Variants in MBOAT2 observed in about 807,000 individuals in gnomAD.
MBOAT2 encodes the protein membrane bound glycerophospholipid O-acyltransferase 2, also known as membrane-bound glycerophospholipid O-acyltransferase 2.
MBOAT2 carries 28 observed loss-of-function variants against 63.4 expected under a neutral mutation model. The observed-to-expected ratio is 0.44, with a 90% CI of 0.33 to 0.61. The LOEUF is 0.61. MBOAT2 is among the 20% of genes least tolerant of loss of function. MBOAT2 has a pLI of 0.03. For synonymous variants in MBOAT2, 211 were observed against 215.6 expected (o/e 0.98, Z 0.19); for missense variants, 470 against 605.8 (o/e 0.78, Z 2.35).
Position 8,853,375 on chromosome 2 carries a change from A to C in MBOAT2, c.*5304T>G, listed in dbSNP as rs3811602. ...TGTGCGCAGAACCAAAAATACATAA[A>C]ATTGGGAAAGAGGCATATTTAAAAA... is the stretch of plus-strand genomic sequence containing the variant. On this transcript the variant is annotated 3_prime_UTR_variant, in exon 13 of 13. Coordinates refer to ENST00000305997, the MANE Select transcript of MBOAT2 (RefSeq NM_138799.4). 25,790 of 152,166 alleles carry C rather than the reference A, an allele frequency of 0.17. 2,453 individuals carry two copies. Among genetic ancestry groups the C allele is most frequent in the Middle Eastern group, 0.28 (82 of 294 alleles). 9.4% of individuals were successfully genotyped at this position (152,166 alleles called of 1,614,324 possible).
chr2:8,958,376 G>A (rs1669376151), intron 2 of MBOAT2, 121 bp downstream of exon 2: 1 of 964,534 alleles, frequency 1.0e-6, no homozygotes, highest in South Asian at 3.1e-5. Context: ...AGTTGGCCTG[G>A]AGAAAAAACT....
At chr2:8,892,509 G>GTACT (rs1192856728) in intron 4 of MBOAT2, among the ~76,000 whole-genome samples, 2 of 152,180 alleles carry the variant, frequency 1.3e-5, no homozygotes, top group East Asian at 3.8e-4. Flanking sequence ...GATGCACCAA[G>GTACT]TACTGTTCTA....
At chr2:8,919,481 G>A (rs1262149747) in intron 3 of MBOAT2, among the ~76,000 whole-genome samples, 2 of 151,990 alleles carry the variant, frequency 1.3e-5, no homozygotes, top group Non-Finnish European at 2.9e-5. Context: ...TTTGCAATTC[G>A]CTAATGGCTA....
At chr2:8,864,525 G>A (rs1350437054) in intron 9 of MBOAT2, among the ~76,000 whole-genome samples, 1 of 152,176 alleles carries the variant, frequency 6.6e-6, no homozygotes, top group African/African-American at 2.4e-5. Context: ...TCCTGAGAAT[G>A]TGTACAAATG....
At chr2:8,991,219 G>C (rs985683147) in intron 1 of MBOAT2, among the ~76,000 whole-genome samples, 1 of 152,074 alleles carries the variant, frequency 6.6e-6, no homozygotes, top group Non-Finnish European at 1.5e-5. Context: ...ACGAAAAACT[G>C]ACAGGGACTT....
intron 4 of MBOAT2, among the ~76,000 whole-genome samples, chr2:8,892,465 G>GAA (rs1213066224): frequency 2.0e-5 from 3 of 148,138 alleles, no homozygotes; most frequent in African/African-American, 7.4e-5. Flanking sequence ...GCTTCATTCA[G>GAA]AAAAAAAAAA....
At chr2:8,983,856 GAATTT>G (rs1671368191) in intron 1 of MBOAT2, among the ~76,000 whole-genome samples, 1 of 152,022 alleles carries the variant, frequency 6.6e-6, no homozygotes, top group Non-Finnish European at 1.5e-5. Context: ...ACTTTTCTGT[GAATTT>G]AATATTGTTT....
chr2:8,896,238 C>CAAAAA (rs967667476), intron 4 of MBOAT2, among the ~76,000 whole-genome samples: 1 of 51,216 alleles, frequency 2.0e-5, no homozygotes, highest in African/African-American at 6.9e-5. Flanking sequence ...GACTCCGTCT[C>CAAAAA]AAAAAAAAAA....
intron 3 of MBOAT2, among the ~76,000 whole-genome samples, chr2:8,921,064 T>C (rs1292033778): frequency 2.6e-5 from 4 of 152,218 alleles, no homozygotes; most frequent in Non-Finnish European, 5.9e-5. Context: ...CTTCTGACTT[T>C]TCACTGGCAT....
At chr2:8,878,362 T>C (rs549118301) in intron 6 of MBOAT2, among the ~76,000 whole-genome samples, 1 of 152,286 alleles carries the variant, frequency 6.6e-6, no homozygotes, top group South Asian at 2.1e-4. Flanking sequence ...CTGTTAATGA[T>C]AAACCATCAC....
At chr2:8,886,781 C>T (rs1339158538) in intron 5 of MBOAT2, among the ~76,000 whole-genome samples, 1 of 152,164 alleles carries the variant, frequency 6.6e-6, no homozygotes, top group Non-Finnish European at 1.5e-5. Flanking sequence ...TATCCTTGAT[C>T]CACGACTTTC....
chr2:8,897,793 T>C (rs1288721269), intron 4 of MBOAT2, among the ~76,000 whole-genome samples: 2 of 152,196 alleles, frequency 1.3e-5, no homozygotes, highest in South Asian at 2.1e-4. Context: ...TCATGCTCGA[T>C]TGGTTCCCCA....
At chr2:8,881,802 TTAGTG>T (rs1224523641) in intron 6 of MBOAT2, among the ~76,000 whole-genome samples, 2 of 152,122 alleles carry the variant, frequency 1.3e-5, no homozygotes, top group Non-Finnish European at 2.9e-5. Context: ...AGATGAATAC[TTAGTG>T]TAGTTCTAAA....
At chr2:8,860,446 G>A (rs1349072468) in intron 12 of MBOAT2, among the ~76,000 whole-genome samples, 167 bp downstream of exon 12, 1 of 152,146 alleles carries the variant, frequency 6.6e-6, no homozygotes, top group Non-Finnish European at 1.5e-5. Flanking sequence ...TCATTCCACA[G>A]AGAAACGCTG....
chr2:8,936,825 A>G (rs997246661), intron 3 of MBOAT2, among the ~76,000 whole-genome samples: 1 of 145,162 alleles, frequency 6.9e-6, no homozygotes, highest in Non-Finnish European at 1.5e-5. Flanking sequence ...AAGAAAAGAA[A>G]AAAAAAGAAA....
In MBOAT2 at chr2:8,855,194, G is replaced by A. The variant is rs552944315; in HGVS notation, c.*3485C>T. The A allele has an allele frequency of 2.0e-5, 3 of 152,310 alleles. No individual in the cohort carries two copies. The highest frequency in any genetic ancestry group is 7.2e-5 in the African/African-American group (3 of 41,558). 9.4% of individuals were successfully genotyped at this position (152,310 alleles called of 1,614,324 possible). A position where few individuals can be genotyped will look rare whatever the true frequency, so the allele number is the denominator to read the frequency against. On this transcript the variant is annotated 3_prime_UTR_variant, in exon 13 of 13. Transcript: ENST00000305997. The stretch of plus-strand genomic sequence containing the variant: ...AGTCAATGACCATGACAATAGTGTG[G>A]ACTGTGAATGTGCCCAAGTCCTTGA...
chr2:8,870,025 C>G (rs1293662729), intron 8 of MBOAT2, among the ~76,000 whole-genome samples: 1 of 152,190 alleles, frequency 6.6e-6, no homozygotes, highest in African/African-American at 2.4e-5. Flanking sequence ...CCCCTGCCCC[C>G]CAGTCTCCCA....
rs893246689 is a variant in MBOAT2, at chr2:8,868,322, G to T, written c.987+124C>A. The T allele has an allele frequency of 1.8e-5, 14 of 759,682 alleles. No homozygotes were observed. The East Asian group carries it at 3.4e-4, about 18-fold the overall frequency. 47.1% of individuals were successfully genotyped at this position (759,682 alleles called of 1,614,324 possible). On this transcript the variant is annotated intron_variant, in intron 9 of 12. Transcript: ENST00000305997. ...GACGACCAATATGTATTGGTTAAATGAAAGAATGAGTGTTAATATTAAAAA... is the reference window on the plus strand; with the variant it reads ...GACGACCAATATGTATTGGTTAAATTAAAGAATGAGTGTTAATATTAAAAA...
chr2:8,860,863 G>T, intron 11 of MBOAT2, 99 bp from the exon 12 acceptor site: 2 of 982,178 alleles, frequency 2.0e-6, no homozygotes, highest in African/African-American at 1.7e-5. Context: ...GTGGAGTAGA[G>T]TAACTGAAAC....
Sources: allele counts gnomAD v4.1 joint callset (sites outside exome capture counted in the v4.1 genomes callset), GRCh38; gene constraint gnomAD v4.1.1; transcripts MANE v1.5; gene names NCBI Gene and HGNC (gene_info 2026-07-23, HGNC 2026-07-21).